ADARB1: variants seen among roughly 807,000 people sequenced by gnomAD.
ADARB1 encodes double-stranded RNA-specific editase 1.
A neutral mutation model predicts 52.4 loss-of-function variants in ADARB1; 10 were observed. The observed-to-expected ratio is 0.19, with a 90% CI of 0.12 to 0.32. The LOEUF (loss-of-function observed/expected upper bound fraction) is 0.32. Ranked by LOEUF, ADARB1 falls within the 10% of genes least tolerant of loss-of-function variation. The probability of loss-of-function intolerance (pLI) is 1.00; values close to 1 mark genes in which losing one functional copy is unlikely to be tolerated. For missense variants in ADARB1, 643 were observed against 922.3 expected (o/e 0.70, Z 3.92); for synonymous variants, 349 against 371.1 (o/e 0.94, Z 0.68).
chr21:45,123,579 AC>A (rs2088353753), intron 1 of ADARB1, among the ~76,000 whole-genome samples: 1 of 152,134 alleles, frequency 6.6e-6, no homozygotes, highest in South Asian at 2.1e-4. Flanking sequence ...TGCTGGGCTT[AC>A]AGGTGTGAGC....
intron 1 of ADARB1, among the ~76,000 whole-genome samples, chr21:45,118,979 A>G (rs531371402): frequency 1.3e-5 from 2 of 152,342 alleles, no homozygotes; most frequent in African/African-American, 4.8e-5. Flanking sequence ...ACCGTGCACT[A>G]TTATGGTTCA....
intron 2 of ADARB1, among the ~76,000 whole-genome samples, chr21:45,161,460 G>A (rs2090963216): frequency 6.6e-6 from 1 of 152,236 alleles, no homozygotes; most frequent in Non-Finnish European, 1.5e-5. Context: ...GGCTGGGTGT[G>A]TGTTTGCTCA....
intron 1 of ADARB1, among the ~76,000 whole-genome samples, chr21:45,104,848 C>T (rs1278295686): frequency 1.3e-5 from 2 of 152,186 alleles, no homozygotes; most frequent in Non-Finnish European, 2.9e-5. Flanking sequence ...TGCCTGCTGG[C>T]TACAAGGGGT....
At chr21:45,081,083 C>G (rs1174311367) in intron 1 of ADARB1, among the ~76,000 whole-genome samples, 2 of 152,206 alleles carry the variant, frequency 1.3e-5, no homozygotes, top group African/African-American at 4.8e-5. Context: ...TCCTTGCATT[C>G]TCTCCATCAT....
intron 2 of ADARB1, among the ~76,000 whole-genome samples, chr21:45,130,560 C>A (rs1489830605): frequency 6.6e-6 from 1 of 152,188 alleles, no homozygotes; most frequent in East Asian, 1.9e-4. Context: ...GCGTGTTATT[C>A]TTTTCCCTTT....
intron 2 of ADARB1, among the ~76,000 whole-genome samples, chr21:45,151,025 CAGAG>C (rs979632551): frequency 6.6e-6 from 1 of 151,974 alleles, no homozygotes; most frequent in Non-Finnish European, 1.5e-5. Flanking sequence ...AAGGGTCAGG[CAGAG>C]AGAGAGAGCA....
In ADARB1 at chr21:45,176,903, C is replaced by A. The variant is rs1424388145; in HGVS notation, c.963+239C>A. On this transcript the variant is annotated intron_variant, in intron 4 of 10. Transcript: ENST00000348831. The surrounding 1 kb of genome is among the most constrained non-coding windows in gnomAD (Gnocchi z 5.8). Reference sequence around the variant, plus strand: ...CAATGCAAGGCAGGGACACCTGAGACCCCGTCCACCAGAGCAGTGTTTACA... The same window carrying A: ...CAATGCAAGGCAGGGACACCTGAGAACCCGTCCACCAGAGCAGTGTTTACA... Among the ~76,000 whole-genome samples, 1 of 152,142 alleles carries A rather than the reference C, an allele frequency of 6.6e-6. No homozygotes were observed. The highest frequency in any genetic ancestry group is 1.5e-5 in the Non-Finnish European group (1 of 68,032).
chr21:45,114,093 C>T (rs945553010), intron 1 of ADARB1, among the ~76,000 whole-genome samples: 1 of 152,160 alleles, frequency 6.6e-6, no homozygotes, highest in African/African-American at 2.4e-5. Context: ...TCAGAGGTTG[C>T]CATCCTAAAC....
chr21:45,101,242 G>C (rs1403826016), intron 1 of ADARB1: 1 of 152,198 alleles, frequency 6.6e-6, no homozygotes, highest in Non-Finnish European at 1.5e-5. Flanking sequence ...GCGCCGTAGC[G>C]CTCCGGAGCT....
At chr21:45,133,649 T>C (rs986031944) in intron 2 of ADARB1, 1 of 259,616 alleles carries the variant, frequency 3.9e-6, no homozygotes, top group Non-Finnish European at 7.6e-6. Context: ...AGAATTTGTC[T>C]TACCTGTACC....
chr21:45,224,798 C>T lies in ADARB1; in HGVS notation c.*2601C>T. On this transcript the variant is annotated 3_prime_UTR_variant, in exon 11 of 11. Coordinates refer to ENST00000348831, the MANE Select transcript of ADARB1 (RefSeq NM_001112.4). ...CTGCACTGCTCCTAGGACAGCTCATCTGTAATCAGAAAAAAAATAAACAAA... is the reference window on the plus strand; with the variant it reads ...CTGCACTGCTCCTAGGACAGCTCATTTGTAATCAGAAAAAAAATAAACAAA... The T allele has an allele frequency of 1.0e-6, 1 of 983,930 alleles. No individual in the cohort carries two copies. 60.9% of individuals were successfully genotyped at this position (983,930 alleles called of 1,614,324 possible).
At chr21:45,206,558 G>GTT (rs2092669762) in intron 9 of ADARB1, among the ~76,000 whole-genome samples, 1 of 107,944 alleles carries the variant, frequency 9.3e-6, no homozygotes, top group East Asian at 2.8e-4. Flanking sequence ...ATCTTCTCTG[G>GTT]TCTTTTTTTT....
rs2089807062 is a variant in ADARB1, at chr21:45,142,941, C to T, written c.-48+14368C>T. On this transcript the variant is annotated intron_variant, in intron 2 of 10. Transcript: ENST00000348831. The surrounding 1 kb of genome is among the most constrained non-coding windows in gnomAD (Gnocchi z 4.0). ...ACCATGGCCATGCTGCACAGCTGTGCAGCCTCCACCCACAAAGGCCAAAGC... is the reference window on the plus strand; with the variant it reads ...ACCATGGCCATGCTGCACAGCTGTGTAGCCTCCACCCACAAAGGCCAAAGC... Among the ~76,000 whole-genome samples the T allele has an allele frequency of 6.6e-6, 1 of 152,190 alleles. No homozygotes were observed. The highest frequency in any genetic ancestry group is 1.5e-5 in the Non-Finnish European group (1 of 68,034).
chr21:45,116,473 T>C (rs2087831648), intron 1 of ADARB1, among the ~76,000 whole-genome samples: 1 of 152,280 alleles, frequency 6.6e-6, no homozygotes, highest in Admixed American at 6.5e-5. Context: ...TCCCTTTGCA[T>C]AGAAGCAACT....
chr21:45,116,818 C>T (rs1226761118), intron 1 of ADARB1: 3 of 152,220 alleles, frequency 2.0e-5, no homozygotes, highest in Non-Finnish European at 2.9e-5. Context: ...CTGGGTCCCT[C>T]CCACAGCACG....
At chr21:45,162,864 TG>T (rs1399343426) in intron 2 of ADARB1, among the ~76,000 whole-genome samples, 2 of 151,712 alleles carry the variant, frequency 1.3e-5, no homozygotes, top group Non-Finnish European at 2.9e-5. Context: ...TCCAAGAAGA[TG>T]TGAGTCTGAA....
rs1029487166 is a variant in ADARB1 at position 45,142,373 on chromosome 21, G to A, written c.-48+13800G>A. 4.3e-4 allele frequency among the ~76,000 whole-genome samples: 65 copies of A among 152,336 alleles called. No homozygotes were observed. The highest frequency in any genetic ancestry group is 1.2e-4 in the Non-Finnish European group (8 of 68,026). ...TTGAATTCATTTGTTTGAAGAAGTA[G>A]AGGAATGTTGCAAGTAGACTGAAAG... On this transcript the variant is annotated intron_variant, in intron 2 of 10. Coordinates refer to ENST00000348831, the MANE Select transcript of ADARB1 (RefSeq NM_001112.4). The surrounding 1 kb of genome is among the most constrained non-coding windows in gnomAD (Gnocchi z 4.0).
intron 9 of ADARB1, among the ~76,000 whole-genome samples, chr21:45,215,596 AAAC>A (rs891086382): frequency 1.3e-5 from 2 of 152,124 alleles, no homozygotes; most frequent in African/African-American, 4.8e-5. Flanking sequence ...ACCCCATCTG[AAAC>A]AACAACAACA....
At chr21:45,206,455 C>T (rs1306034340) in intron 9 of ADARB1, among the ~76,000 whole-genome samples, 1 of 150,924 alleles carries the variant, frequency 6.6e-6, no homozygotes, top group East Asian at 1.9e-4. Context: ...ATGTGAAAAG[C>T]ATCTATATCT....
Sources: gnomAD v4.1 joint callset for allele counts (sites outside exome capture counted in the v4.1 genomes callset) on GRCh38, gnomAD v4.1.1 for gene constraint, Gnocchi (gnomAD v3.1) non-coding constraint, MANE v1.5 for transcripts, NCBI Gene and HGNC (gene_info 2026-07-23, HGNC 2026-07-21) for gene names.